Variants in KALRN observed in about 807,000 individuals in gnomAD.
The protein encoded by KALRN is kalirin RhoGEF kinase.
Under a neutral mutation model 353.7 loss-of-function variants are expected in KALRN, and 70 were observed. That is an observed-to-expected ratio of 0.20 (90% CI 0.16 to 0.24). KALRN has a LOEUF of 0.24. Ranked by LOEUF, KALRN falls within the 10% of genes least tolerant of loss-of-function variation. The pLI is 1.00. For synonymous variants in KALRN, 1,391 were observed against 1,434.8 expected, an observed-to-expected ratio of 0.97 and a Z score of 0.69; for missense variants, 2,791 against 3,756.7, an observed-to-expected ratio of 0.74 and a Z score of 6.72.
chr3:124,289,661 G>A (rs1418802621), intron 5 of KALRN, among the ~76,000 whole-genome samples: 1 of 152,126 alleles, frequency 6.6e-6, no homozygotes, highest in Non-Finnish European at 1.5e-5. Flanking sequence ...ACAGGAACTT[G>A]CATGGGATTT....
At chr3:124,077,840 C>T (rs1332182888) in intron 1 of KALRN, among the ~76,000 whole-genome samples, 1 of 152,222 alleles carries the variant, frequency 6.6e-6, no homozygotes, top group Non-Finnish European at 1.5e-5. Flanking sequence ...CACAGCATTG[C>T]TGCCATGGTC....
chr3:124,323,222 CT>C lies in KALRN; in HGVS notation c.1093-2757del, dbSNP rs564853986. On this transcript the variant is annotated intron_variant, in intron 6 of 59. Coordinates refer to ENST00000682506, the MANE Select transcript of KALRN (RefSeq NM_001388419.1). ...AAGGGGACTGTGGAGGACTGCCAGC[CT>C]CCCCATCCTTTTTCATGCGGGGAGC... Among the ~76,000 whole-genome samples, 534 of 152,308 alleles carry C rather than the reference CT, an allele frequency of 3.5e-3. 2 individuals are homozygous for C. The highest frequency in any genetic ancestry group is 6.1e-3 in the Non-Finnish European group (412 of 68,022).
intron 3 of KALRN, among the ~76,000 whole-genome samples, chr3:124,246,782 A>C (rs1177050743): frequency 2.6e-5 from 4 of 152,184 alleles, no homozygotes; most frequent in African/African-American, 4.8e-5. Flanking sequence ...GTGAAATAAG[A>C]TCCAATGCAT....
At chr3:124,642,806 G>GTTTTTTTTTTT (rs71145471) in intron 37 of KALRN, among the ~76,000 whole-genome samples, 1 of 96,840 alleles carries the variant, frequency 1.0e-5, no homozygotes, top group African/African-American at 4.5e-5. Context: ...CCCAAGCCTC[G>GTTTTTTTTTTT]TTTTTTTTTT....
At chr3:124,309,687 T>C (rs6765083) in intron 6 of KALRN, among the ~76,000 whole-genome samples, 31,207 of 151,564 alleles carry the variant, frequency 0.21, 3,321 homozygotes, top group South Asian at 0.29. Context: ...ACAAAAATCA[T>C]GTGATCATCT....
At chr3:124,563,308 C>T (rs1332040814) in intron 34 of KALRN, among the ~76,000 whole-genome samples, 2 of 152,200 alleles carry the variant, frequency 1.3e-5, no homozygotes, top group African/African-American at 4.8e-5. Context: ...TTTAGCCTTC[C>T]TGAGTCAGTT....
At chr3:124,214,661 C>T (rs190244332) in intron 1 of KALRN, among the ~76,000 whole-genome samples, 227 of 152,274 alleles carry the variant, frequency 1.5e-3, no homozygotes, top group South Asian at 4.6e-3. Flanking sequence ...AACTGAGAAT[C>T]TAAGCAACCT....
At chr3:124,326,216 T>G (rs1208152802) in intron 7 of KALRN, 45 bp downstream of exon 7, 1 of 1,559,592 alleles carries the variant, frequency 6.4e-7, no homozygotes, top group African/African-American at 1.3e-5. Context: ...TAGGAAGGGT[T>G]GGGCATGGGC....
At position 124,320,117 on chromosome 3, in the gene KALRN, G is replaced by A. The variant is rs139589844; in HGVS notation, c.1093-5863G>A. Among the ~76,000 whole-genome samples the A allele has an allele frequency of 3.8e-3, 585 of 152,212 alleles. 4 individuals are homozygous for A. Among genetic ancestry groups the A allele is most frequent in the African/African-American group, 0.013 (554 of 41,544 alleles). ...TATATTTTGTATTAGCTTTTTCATT[G>A]AGCATTTGATTTTCATTTGACCTGA... On this transcript the variant is annotated intron_variant, in intron 6 of 59. Coordinates refer to ENST00000682506, the MANE Select transcript of KALRN (RefSeq NM_001388419.1).
chr3:124,454,315 T>C (rs1455014775), intron 21 of KALRN, among the ~76,000 whole-genome samples: 3 of 152,196 alleles, frequency 2.0e-5, no homozygotes, highest in African/African-American at 7.2e-5. Flanking sequence ...TGCTCACTGG[T>C]AGTATGAAGT....
At chr3:124,666,186 T>C (rs2085593078) in intron 45 of KALRN, among the ~76,000 whole-genome samples, 1 of 152,194 alleles carries the variant, frequency 6.6e-6, no homozygotes, top group Non-Finnish European at 1.5e-5. Flanking sequence ...TCCTGCCTTC[T>C]GGCATTTGCC....
At chr3:124,608,432 T>C (rs333336) in intron 34 of KALRN, among the ~76,000 whole-genome samples, 97,828 of 152,070 alleles carry the variant, frequency 0.64, 32,506 homozygotes, top group African/African-American at 0.81. Context: ...CTCTGTCTCC[T>C]CAGGAAGAGT....
chr3:124,602,824 G>C (rs141740734), intron 34 of KALRN, among the ~76,000 whole-genome samples: 1 of 152,324 alleles, frequency 6.6e-6, no homozygotes, highest in East Asian at 1.9e-4. Flanking sequence ...TTTCACAAAT[G>C]ACAAAGCTGA....
Position 124,347,274 on chromosome 3 carries a change from CTGTGTGTGTGTGTGTGTGTGTGTGTG to C in KALRN, c.1770+31_1770+56del, listed in dbSNP as rs61359186. The C allele has an allele frequency of 9.1e-3, 10,548 of 1,153,800 alleles. 57 individuals are homozygous for C. The highest frequency in any genetic ancestry group is 0.041 in the Middle Eastern group (166 of 4,050). 71.5% of individuals were successfully genotyped at this position (1,153,800 alleles called of 1,614,324 possible). ...TTGAAGAGGTGGCTCAGGTGAGAAG[CTGTGTGTGTGTGTGTGTGTGTGTGTG>C]TGTGTGTGTGTGTGTGTGTGTCTAG... On this transcript the variant is annotated intron_variant, in intron 10 of 59. Transcript: ENST00000682506.
At chr3:124,207,525 C>T (rs2076518300) in intron 1 of KALRN, among the ~76,000 whole-genome samples, 2 of 152,178 alleles carry the variant, frequency 1.3e-5, no homozygotes, top group East Asian at 3.8e-4. Flanking sequence ...GATTGAAGTT[C>T]TGGATATGTC....
At chr3:124,079,682 A>G (rs1196587908) in intron 1 of KALRN, among the ~76,000 whole-genome samples, 6 of 152,212 alleles carry the variant, frequency 3.9e-5, no homozygotes, top group African/African-American at 1.2e-4. Context: ...ATAAAACCCA[A>G]CGTCTTTTTA....
intron 1 of KALRN, among the ~76,000 whole-genome samples, chr3:124,155,733 A>C (rs1477178993): frequency 6.6e-6 from 1 of 152,194 alleles, no homozygotes; most frequent in Non-Finnish European, 1.5e-5. Flanking sequence ...ACTGAAAATG[A>C]TTATTACTTT....
intron 6 of KALRN, among the ~76,000 whole-genome samples, chr3:124,300,747 C>T (rs1188312828): frequency 1.3e-5 from 2 of 152,194 alleles, no homozygotes; most frequent in Non-Finnish European, 2.9e-5. Context: ...ATAGAAAGAT[C>T]ACTCTGGCTG....
intron 11 of KALRN, 133 bp from the exon 12 acceptor site, chr3:124,395,002 A>G: frequency 4.7e-6 from 3 of 637,252 alleles, no homozygotes; most frequent in Non-Finnish European, 8.4e-6. Flanking sequence ...AAACTGACCC[A>G]TAGTTGTGCT....
Sources: gnomAD v4.1 joint callset for allele counts (sites outside exome capture counted in the v4.1 genomes callset) on GRCh38, gnomAD v4.1.1 for gene constraint, MANE v1.5 for transcripts, NCBI Gene and HGNC (gene_info 2026-07-23, HGNC 2026-07-21) for gene names.